STK32B: variants seen among roughly 807,000 people sequenced by gnomAD.
STK32B encodes serine/threonine kinase 32B.
Under a neutral mutation model 52.6 loss-of-function variants are expected in STK32B, and 43 were observed. That is an observed-to-expected ratio of 0.82 (90% CI 0.64 to 1.05). The LOEUF (loss-of-function observed/expected upper bound fraction) is 1.05. Ranked by LOEUF, STK32B falls within the 50% of genes least tolerant of loss-of-function variation. STK32B has a pLI of 0.00. For synonymous variants in STK32B, 238 were observed against 204.3 expected, an observed-to-expected ratio of 1.17 and a Z score of -1.41; for missense variants, 621 against 534.6, an observed-to-expected ratio of 1.16 and a Z score of -1.59.
At position 5,315,853 on chromosome 4, in the gene STK32B, T is replaced by G. The variant is rs913225809; in HGVS notation, c.261-15367T>G. On this transcript the variant is annotated intron_variant, in intron 3 of 11. Transcript: ENST00000282908. ...CTGAGTAGCTGGAATTACAGGTGCA[T>G]GCCACCACGCCCAGCTAATTTTTGT... 5.9e-4 allele frequency among the ~76,000 whole-genome samples: 89 copies of G among 151,086 alleles called. 1 individual carries two copies. The highest frequency in any genetic ancestry group is 2.1e-3 in the African/African-American group (85 of 41,260).
the STK32B span, among the ~76,000 whole-genome samples, chr4:5,022,984 G>A: frequency 3.3e-5 from 5 of 152,100 alleles, no homozygotes; most frequent in Middle Eastern, 0.014. Context: ...GTGGGGAAGC[G>A]GGGTAGGTAT....
intron 3 of STK32B, among the ~76,000 whole-genome samples, chr4:5,208,909 A>G (rs1722740117): frequency 6.6e-6 from 1 of 152,182 alleles, no homozygotes. Context: ...ATAAAACTTC[A>G]TTCTTTATAA....
rs145197428 is a variant in STK32B, at chr4:5,219,413, A to G, written c.260+50963A>G. ...ATCAGTTTAAAAGTTGGAAGCCCAG[A>G]AAAAGAGAAGAGCCTTGAGGAAGGT... is the stretch of plus-strand genomic sequence containing the variant. On this transcript the variant is annotated intron_variant, in intron 3 of 11. Transcript: ENST00000282908. 8.8e-4 allele frequency among the ~76,000 whole-genome samples: 134 copies of G among 152,380 alleles called. No homozygotes were observed. In the East Asian group the frequency reaches 0.022, roughly 25 times the overall value.
intron 3 of STK32B, among the ~76,000 whole-genome samples, chr4:5,201,528 G>T (rs1470827988): frequency 6.6e-6 from 1 of 152,208 alleles, no homozygotes; most frequent in Non-Finnish European, 1.5e-5. Flanking sequence ...GAAAGGAGAA[G>T]AGCAGAAAAA....
intron 3 of STK32B, among the ~76,000 whole-genome samples, chr4:5,194,818 C>A (rs1406198789): frequency 6.6e-6 from 1 of 152,130 alleles, no homozygotes; most frequent in Non-Finnish European, 1.5e-5. Context: ...AGATGTCTTA[C>A]ATGGCAGGAG....
intron 3 of STK32B, among the ~76,000 whole-genome samples, chr4:5,275,893 G>A (rs372214717): frequency 3.9e-5 from 6 of 151,996 alleles, no homozygotes; most frequent in African/African-American, 1.5e-4. Context: ...ACCTATTTTG[G>A]AGCCATGCAT....
At chr4:5,165,686 C>A (rs750094513) in intron 2 of STK32B, among the ~76,000 whole-genome samples, 28 of 152,128 alleles carry the variant, frequency 1.8e-4, no homozygotes, top group African/African-American at 6.5e-4. Context: ...GCCCGGGCCT[C>A]CAGAAGTCTT....
chr4:5,124,864 G>A (rs1009479024), intron 1 of STK32B, among the ~76,000 whole-genome samples: 2 of 152,182 alleles, frequency 1.3e-5, no homozygotes, highest in African/African-American at 4.8e-5. Context: ...GGCCCGTCAT[G>A]AACCTTCCCC....
At chr4:5,196,414 C>T (rs1049418949) in intron 3 of STK32B, among the ~76,000 whole-genome samples, 13 of 126,852 alleles carry the variant, frequency 1.0e-4, no homozygotes, top group Admixed American at 8.0e-4. Context: ...AAACCACTAA[C>T]AGAAATATTT....
chr4:5,291,534 ATTAG>A (rs1422279840), intron 3 of STK32B, among the ~76,000 whole-genome samples: 1 of 152,150 alleles, frequency 6.6e-6, no homozygotes, highest in African/African-American at 2.4e-5. Context: ...AAATTCATGT[ATTAG>A]TTCTAATAGG....
intron 3 of STK32B, among the ~76,000 whole-genome samples, chr4:5,245,254 G>T (rs1367813799): frequency 6.6e-5 from 10 of 152,164 alleles, no homozygotes; most frequent in Non-Finnish European, 2.9e-5. Flanking sequence ...TTATGAATCT[G>T]GGTGCTCCTG....
At chr4:5,111,002 A>T (rs770453042) in intron 1 of STK32B, among the ~76,000 whole-genome samples, 1 of 152,150 alleles carries the variant, frequency 6.6e-6, no homozygotes, top group Non-Finnish European at 1.5e-5. Context: ...GCTTCCACAA[A>T]CACATAAAAA....
intron 4 of STK32B, among the ~76,000 whole-genome samples, chr4:5,334,057 T>C (rs562846494): frequency 1.5e-3 from 223 of 152,264 alleles, no homozygotes; most frequent in African/African-American, 5.2e-3. Flanking sequence ...AATCTATAAA[T>C]TACCTTGGGC....
At chr4:5,354,198 T>G (rs371951657) in intron 4 of STK32B, among the ~76,000 whole-genome samples, 3 of 152,146 alleles carry the variant, frequency 2.0e-5, no homozygotes, top group African/African-American at 7.2e-5. Context: ...CCCATGGAGA[T>G]AGAAAGTAGA....
intron 3 of STK32B, among the ~76,000 whole-genome samples, chr4:5,222,741 G>A (rs748378333): frequency 2.0e-5 from 3 of 152,164 alleles, no homozygotes; most frequent in Admixed American, 1.3e-4. Context: ...CCTATTTAAG[G>A]ATAGAATTTA....
intron 3 of STK32B, among the ~76,000 whole-genome samples, chr4:5,190,115 T>C (rs1721061843): frequency 6.6e-6 from 1 of 152,148 alleles, no homozygotes; most frequent in East Asian, 1.9e-4. Context: ...AACACGTTAG[T>C]CCTCTAAACC....
At chr4:5,423,691 G>A (rs1712832613) in intron 6 of STK32B, among the ~76,000 whole-genome samples, 1 of 152,176 alleles carries the variant, frequency 6.6e-6, no homozygotes, top group African/African-American at 2.4e-5. Flanking sequence ...TTGGCCAGGG[G>A]ATGGTGGGTG....
rs773509277 is a variant in STK32B, at chr4:5,400,490, C to A, written c.472+2246C>A. Among the ~76,000 whole-genome samples the A allele has an allele frequency of 3.3e-5, 5 of 152,188 alleles. No individual in the cohort carries two copies. The highest frequency in any genetic ancestry group is 5.9e-5 in the Non-Finnish European group (4 of 68,042). On this transcript the variant is annotated intron_variant, in intron 5 of 11. Coordinates refer to ENST00000282908, the MANE Select transcript of STK32B (RefSeq NM_018401.3). The surrounding 1 kb of genome is among the most constrained non-coding windows in gnomAD (Gnocchi z 6.1). ...AGTGCCCCTGCATCCAGTCTTCTCC[C>A]TCTCCAGCCTCCCATTTCATCGAAA... is the stretch of plus-strand genomic sequence containing the variant.
chr4:5,244,701 C>A (rs534830755), intron 3 of STK32B, among the ~76,000 whole-genome samples: 1 of 152,124 alleles, frequency 6.6e-6, no homozygotes, highest in Non-Finnish European at 1.5e-5. Flanking sequence ...CCTGCTTTCT[C>A]TTGTGGGCAT....
Sources: allele counts gnomAD v4.1 joint callset (sites outside exome capture counted in the v4.1 genomes callset), GRCh38; gene constraint gnomAD v4.1.1; non-coding constraint Gnocchi (gnomAD v3.1); transcripts MANE v1.5; gene names NCBI Gene and HGNC (gene_info 2026-07-23, HGNC 2026-07-21).